Variants in GTF2IRD1 observed in about 807,000 individuals in gnomAD.
GTF2IRD1 encodes the protein general transcription factor II-I repeat domain-containing protein 1.
A neutral mutation model predicts 113.2 loss-of-function variants in GTF2IRD1; 26 were observed. The ratio of observed to expected loss-of-function variants is 0.23; its 90% CI spans 0.17 to 0.32. The LOEUF (loss-of-function observed/expected upper bound fraction) is 0.32, where lower values mean the gene tolerates loss of function less well. Ranked by LOEUF, GTF2IRD1 falls within the 10% of genes least tolerant of loss-of-function variation. The pLI is 1.00. For synonymous variants in GTF2IRD1, 484 were observed against 529.1 expected (o/e 0.91, Z 1.17); for missense variants, 864 against 1,280.8 (o/e 0.67, Z 4.97).
intron 2 of GTF2IRD1, among the ~76,000 whole-genome samples, chr7:74,511,048 C>CA (rs782366013): frequency 2.0e-3 from 211 of 104,238 alleles, no homozygotes; most frequent in East Asian, 4.3e-3. Context: ...GACTTTGTCT[C>CA]AAAAAAAAAA....
intron 2 of GTF2IRD1, among the ~76,000 whole-genome samples, chr7:74,508,578 C>G (rs1796432037): frequency 6.6e-6 from 1 of 151,024 alleles, no homozygotes; most frequent in African/African-American, 2.5e-5. Context: ...GTAATCCCAG[C>G]TACTTGGGAG....
At chr7:74,467,410 G>A (rs916147453) in intron 1 of GTF2IRD1, among the ~76,000 whole-genome samples, 12 of 152,180 alleles carry the variant, frequency 7.9e-5, no homozygotes, top group African/African-American at 2.2e-4. Flanking sequence ...AATTTGGAGC[G>A]TTTCCCTCCA....
At chr7:74,530,005 T>C in intron 9 of GTF2IRD1, 88 bp downstream of exon 9, 1 of 938,636 alleles carries the variant, frequency 1.1e-6, no homozygotes, top group South Asian at 1.5e-5. Flanking sequence ...AGGCCAGGAG[T>C]TCGAGACCAG....
Position 74,601,101 on chromosome 7 carries a change from TCTCCTCTTCCTC to T in GTF2IRD1, c.2691_2702del (p.Ser905_Ser908del), listed in dbSNP as rs1562907367. The T allele has an allele frequency of 3.1e-6, 5 of 1,613,948 alleles. No homozygotes were observed. The Admixed American group carries it at 6.7e-5, about 22-fold the overall frequency. ...AAGCGGGTCTCGGAAGGAAATTCCGTCTCCTCTTCCTCCTCGTCTTCCTCTTCCTCGTCCTCT... is the reference window on the plus strand; with the variant it reads ...AAGCGGGTCTCGGAAGGAAATTCCGTCTCGTCTTCCTCTTCCTCGTCCTCT... On this transcript the variant is annotated inframe_deletion, in exon 26 of 27. Transcript: ENST00000424337.
chr7:74,586,057 T>C (rs1554367644), intron 22 of GTF2IRD1, among the ~76,000 whole-genome samples: 1 of 152,112 alleles, frequency 6.6e-6, no homozygotes, highest in Admixed American at 6.6e-5. Context: ...CTCTGTGTCT[T>C]TGGCTGCAGT....
At position 74,513,026 on chromosome 7, in the gene GTF2IRD1, C is replaced by G. The variant is rs1309100407; in HGVS notation, c.265+55C>G. The G allele has an allele frequency of 2.4e-5, 37 of 1,567,898 alleles. No homozygotes were observed. The Admixed American group carries it at 5.3e-4, about 22-fold the overall frequency. ...GCCCGCCATTTCCCGAGGGCAGGCGCTCTAGCCCATCTCTGGGTCCCCAAC... is the reference window on the plus strand; with the variant it reads ...GCCCGCCATTTCCCGAGGGCAGGCGGTCTAGCCCATCTCTGGGTCCCCAAC... On this transcript the variant is annotated intron_variant, in intron 3 of 26. Transcript: ENST00000424337.
At position 74,544,805 on chromosome 7, in the gene GTF2IRD1, G is replaced by A. The variant is rs1169837150; in HGVS notation, c.1666+3G>A. 5.0e-6 allele frequency: 8 copies of A among 1,612,262 alleles called. No individual in the cohort carries two copies. Among genetic ancestry groups the A allele is most frequent in the African/African-American group, 1.3e-5 (1 of 74,994 alleles). ...GCCCGAGGAGAGGCCCGTGGAGGGT[G>A]AGGCCCTGTCTACCCCTGACATTTT... On this transcript the variant is annotated splice_donor_region_variant and intron_variant, in intron 15 of 26. Transcript: ENST00000424337.
chr7:74,521,311 C>T lies in GTF2IRD1; in HGVS notation c.1006+14C>T, dbSNP rs376234384. The stretch of plus-strand genomic sequence containing the variant: ...ATGACAAGTCAGGTAGGACAGCGCC[C>T]ACGAAGCACCCCGGCCTGAGTGGGA... On this transcript the variant is annotated intron_variant, in intron 7 of 26. Transcript: ENST00000424337. The T allele has an allele frequency of 4.6e-6, 7 of 1,520,508 alleles. No individual in the cohort carries two copies. The East Asian group carries it at 1.1e-4, about 24-fold the overall frequency. 94.2% of individuals were successfully genotyped at this position (1,520,508 alleles called of 1,614,324 possible).
intron 7 of GTF2IRD1, among the ~76,000 whole-genome samples, chr7:74,523,771 G>A (rs75560088): frequency 0.18 from 27,154 of 152,076 alleles, 2,599 homozygotes; most frequent in Middle Eastern, 0.21. Context: ...TGAAGGGACT[G>A]CTCTTCCAGC....
intron 6 of GTF2IRD1, among the ~76,000 whole-genome samples, chr7:74,520,211 G>A (rs1797199824): frequency 6.6e-6 from 1 of 150,626 alleles, no homozygotes; most frequent in Admixed American, 6.6e-5. Context: ...TGCATTCCAT[G>A]AGGACCCATT....
chr7:74,483,875 A>G (rs1195484014), intron 1 of GTF2IRD1, among the ~76,000 whole-genome samples: 1 of 151,874 alleles, frequency 6.6e-6, no homozygotes. Flanking sequence ...AAAAAATCTT[A>G]TTTACCAACT....
In GTF2IRD1 at chr7:74,524,068, T is replaced by C. The variant is rs782333372; in HGVS notation, c.1007-3T>C. On this transcript the variant is annotated splice_region_variant and splice_polypyrimidine_tract_variant and intron_variant, in intron 7 of 26. Transcript: ENST00000424337. ...CTCACTTGTGCCTCCTGTGTTTTGA[T>C]AGAGAAGTGGGACGCCTTCATAAAG... 5.7e-5 allele frequency: 91 copies of C among 1,606,120 alleles called. No homozygotes were observed. Among genetic ancestry groups the C allele is most frequent in the Non-Finnish European group, 7.7e-5 (90 of 1,174,134 alleles).
intron 1 of GTF2IRD1, among the ~76,000 whole-genome samples, chr7:74,473,757 G>A (rs1794240080): frequency 6.6e-6 from 1 of 152,040 alleles, no homozygotes. Flanking sequence ...CCACCATCCT[G>A]GACAGCCCGC....
rs144604580 is a variant in GTF2IRD1, at chr7:74,467,407, A to G, written c.-7+13231A>G. ...CTGAGCCGAGTACAGCCCAATTTGGAGCGTTTCCCTCCAGGAAAGGCAGCT... is the reference window on the plus strand; with the variant it reads ...CTGAGCCGAGTACAGCCCAATTTGGGGCGTTTCCCTCCAGGAAAGGCAGCT... On this transcript the variant is annotated intron_variant, in intron 1 of 26. Coordinates refer to ENST00000424337, the MANE Select transcript of GTF2IRD1 (RefSeq NM_005685.4). Among the ~76,000 whole-genome samples, 1,170 of 152,228 alleles carry G rather than the reference A, an allele frequency of 7.7e-3. 14 individuals carry two copies. Among genetic ancestry groups the G allele is most frequent in the African/African-American group, 0.026 (1,084 of 41,534 alleles).
intron 1 of GTF2IRD1, among the ~76,000 whole-genome samples, chr7:74,462,099 C>T (rs188907109): frequency 2.4e-4 from 36 of 152,054 alleles, no homozygotes; most frequent in African/African-American, 6.5e-4. Context: ...ATTAGCCAGG[C>T]GAGGTGGCTC....
intron 2 of GTF2IRD1, among the ~76,000 whole-genome samples, chr7:74,510,964 G>A (rs1020657963): frequency 1.3e-5 from 2 of 151,754 alleles, no homozygotes; most frequent in South Asian, 2.1e-4. Flanking sequence ...CAGGAGAATC[G>A]CCTGAGCCTG....
At chr7:74,466,716 A>C (rs1793737284) in intron 1 of GTF2IRD1, among the ~76,000 whole-genome samples, 1 of 152,056 alleles carries the variant, frequency 6.6e-6, no homozygotes, top group Non-Finnish European at 1.5e-5. Context: ...GTCCCCAGCC[A>C]CAGCCCGCAT....
At chr7:74,530,586 T>TAAA (rs58675988) in intron 9 of GTF2IRD1, among the ~76,000 whole-genome samples, 34 of 38,906 alleles carry the variant, frequency 8.7e-4, no homozygotes, top group South Asian at 4.5e-3. Flanking sequence ...CCCTGTTTCT[T>TAAA]AAAAAAAAAA....
intron 1 of GTF2IRD1, among the ~76,000 whole-genome samples, chr7:74,491,299 GA>G (rs1235376577): frequency 2.2e-4 from 28 of 129,218 alleles, no homozygotes; most frequent in African/African-American, 7.0e-4. Context: ...GAGTGAGGGA[GA>G]AAAAAAAATT....
Sources: gnomAD v4.1 joint callset for allele counts (sites outside exome capture counted in the v4.1 genomes callset) on GRCh38, gnomAD v4.1.1 for gene constraint, MANE v1.5 for transcripts, NCBI Gene and HGNC (gene_info 2026-07-23, HGNC 2026-07-21) for gene names.